Variants in ZNF462 observed in about 807,000 individuals in gnomAD.
ZNF462 encodes the protein zinc finger protein 462.
Under a neutral mutation model 201.9 loss-of-function variants are expected in ZNF462, and 10 were observed. The observed-to-expected ratio is 0.05, with a 90% CI of 0.03 to 0.08. The LOEUF is 0.08. Ranked by LOEUF, ZNF462 falls within the 10% of genes least tolerant of loss-of-function variation. ZNF462 has a pLI of 1.00. For synonymous variants in ZNF462, 1,227 were observed against 1,193.3 expected, an observed-to-expected ratio of 1.03 and a Z score of -0.58; for missense variants, 2,523 against 3,168.3, an observed-to-expected ratio of 0.80 and a Z score of 4.89.
At chr9:106,964,296 A>G (rs946869120) in intron 7 of ZNF462, among the ~76,000 whole-genome samples, 4 of 152,046 alleles carry the variant, frequency 2.6e-5, no homozygotes, top group Non-Finnish European at 5.9e-5. Flanking sequence ...GCAGCACACA[A>G]GGGTTCCAGT....
At position 106,935,282 on chromosome 9, in the gene ZNF462, C is replaced by CA. The variant is rs141829170; in HGVS notation, c.6117-213dup. Among the ~76,000 whole-genome samples the CA allele has an allele frequency of 0.042, 6,314 of 151,444 alleles. 405 individuals are homozygous for CA. The highest frequency in any genetic ancestry group is 0.14 in the African/African-American group (5,769 of 41,310). ...GTTACCACTGCCATATCTCTAAATC[C>CA]AAAAAAAACTCTTGATCTCTTCCTT... On this transcript the variant is annotated intron_variant, in intron 5 of 12. Coordinates refer to ENST00000277225, the MANE Select transcript of ZNF462 (RefSeq NM_021224.6). This position sits in a 1 kb window ranked among gnomAD's most constrained non-coding sequence, Gnocchi z 4.1.
chr9:106,951,534 C>G (rs1831347561), intron 7 of ZNF462, among the ~76,000 whole-genome samples: 1 of 152,144 alleles, frequency 6.6e-6, no homozygotes, highest in South Asian at 2.1e-4. Context: ...TATTAATTAT[C>G]ATAATCCCAA....
rs949439962 is a variant in ZNF462, at chr9:106,993,616, C to T, written c.7056+9207C>T. On this transcript the variant is annotated intron_variant, in intron 10 of 12. Transcript: ENST00000277225. The surrounding 1 kb of genome is among the most constrained non-coding windows in gnomAD (Gnocchi z 4.0). ...TGTAGTCTCTCCCTCCTCTCCCCCT[C>T]CCCTTTACTTCCCTCTCCCTTCCTT... 3.3e-5 allele frequency among the ~76,000 whole-genome samples: 5 copies of T among 151,440 alleles called. No individual in the cohort carries two copies. The highest frequency in any genetic ancestry group is 1.2e-4 in the African/African-American group (5 of 41,208).
At chr9:106,997,459 A>T (rs1828819723) in intron 10 of ZNF462, among the ~76,000 whole-genome samples, 1 of 152,190 alleles carries the variant, frequency 6.6e-6, no homozygotes, top group African/African-American at 2.4e-5. Flanking sequence ...ATTTTTTAAA[A>T]AGTGGTACAT....
intron 1 of ZNF462, among the ~76,000 whole-genome samples, chr9:106,904,770 G>GT (rs887845591): frequency 2.6e-5 from 4 of 151,670 alleles, no homozygotes; most frequent in African/African-American, 7.3e-5. Context: ...ATTTTTGATT[G>GT]TTTTTTTTCT....
At position 106,925,779 on chromosome 9, in the gene ZNF462, C is replaced by T. The variant is rs1238296932; in HGVS notation, c.1867C>T (p.His623Tyr). The T allele has an allele frequency of 1.2e-6, 2 of 1,614,228 alleles. No individual in the cohort carries two copies. Among genetic ancestry groups the T allele is most frequent in the Non-Finnish European group, 1.7e-6 (2 of 1,180,034 alleles). ...GCTAAGAGTCCATCAGCAGCATAAA[C>T]ATTCATTCTGTGACAACTTGCCAAA... ...KGLRVHQQHK[H>Y]SFCDNLPKFE... The change falls in exon 3 of 13, where the codon CAT (histidine) becomes TAT (tyrosine). Residue 623 changes from histidine to tyrosine, a missense_variant. His to Tyr is a moderately conservative substitution (Grantham distance 83). Transcript: ENST00000277225. This position sits in a 1 kb window ranked among gnomAD's most constrained non-coding sequence, Gnocchi z 7.9.
rs2131924669 is a variant in ZNF462, at chr9:106,963,210, AG to A, written c.6428-8794del. Among the ~76,000 whole-genome samples, 2 of 152,238 alleles carry A rather than the reference AG, an allele frequency of 1.3e-5. No homozygotes were observed. Among genetic ancestry groups the A allele is most frequent in the African/African-American group, 4.8e-5 (2 of 41,574 alleles). Reference sequence around the variant, plus strand: ...CAGCACTTGAGAAACAGGTATTTTGAGAATGGGAATTAAATCAAGGTACAAA... The same window carrying A: ...CAGCACTTGAGAAACAGGTATTTTGAAATGGGAATTAAATCAAGGTACAAA... On this transcript the variant is annotated intron_variant, in intron 7 of 12. Transcript: ENST00000277225. This position sits in a 1 kb window ranked among gnomAD's most constrained non-coding sequence, Gnocchi z 4.7.
intron 1 of ZNF462, among the ~76,000 whole-genome samples, chr9:106,882,545 AAC>A (rs1828145088): frequency 6.6e-6 from 1 of 152,228 alleles, no homozygotes; most frequent in Non-Finnish European, 1.5e-5. Flanking sequence ...AAGAATGTCT[AAC>A]AGTCTAGGTT....
rs770556374 is a variant in ZNF462 at position 106,928,686 on chromosome 9, C to T, written c.4774C>T (p.Leu1592=). ...CPYTHGTLEK[L]KIHYEKYHNQ... is the part of the protein sequence containing the mutation. ...GTACACACACGGCACTTTGGAGAAA[C>T]TAAAAATCCACTACGAGAAGTATCA... The change falls in exon 3 of 13, where the codon CTA becomes TTA. Residue 1592 remains leucine (L), a synonymous_variant. Transcript: ENST00000277225. The surrounding 1 kb of genome is among the most constrained non-coding windows in gnomAD (Gnocchi z 9.3). The T allele has an allele frequency of 3.3e-5, 53 of 1,614,032 alleles. No individual in the cohort carries two copies. The highest frequency in any genetic ancestry group is 4.4e-5 in the Non-Finnish European group (52 of 1,180,050).
intron 1 of ZNF462, among the ~76,000 whole-genome samples, chr9:106,879,765 G>A (rs1828011116): frequency 6.6e-6 from 1 of 152,158 alleles, no homozygotes; most frequent in East Asian, 1.9e-4. Context: ...GAGCCATCAG[G>A]ATTGTCTAGT....
At chr9:106,910,362 G>GTTTTTT (rs1011376719) in intron 1 of ZNF462, among the ~76,000 whole-genome samples, 362 of 64,488 alleles carry the variant, frequency 5.6e-3, no homozygotes, top group East Asian at 9.0e-3. Flanking sequence ...CCTTGTTTTA[G>GTTTTTT]TTTTTTTTTT....
At position 106,912,969 on chromosome 9, in the gene ZNF462, G is replaced by A. The variant is rs568522666; in HGVS notation, c.-30-10385G>A. ...TTCCTCTGGCTTTCCAGGATACTTT[G>A]CAAACAAGAATAAAAAAGGCTTTGT... On this transcript the variant is annotated intron_variant, in intron 1 of 12. Coordinates refer to ENST00000277225, the MANE Select transcript of ZNF462 (RefSeq NM_021224.6). 7.9e-5 allele frequency among the ~76,000 whole-genome samples: 12 copies of A among 152,274 alleles called. 1 individual carries two copies. The South Asian group carries it at 2.1e-3, about 26-fold the overall frequency.
Position 106,926,582 on chromosome 9 carries a change from A to G in ZNF462, c.2670A>G (p.Glu890=). The part of the protein sequence containing the change: ...NDHSAVYRCL[E]CYIDYTNFED... ...ACAGTGCAGTGTACAGGTGCCTGGAATGCTACATCGATTACACCAACTTCG... is the reference window on the plus strand; with the variant it reads ...ACAGTGCAGTGTACAGGTGCCTGGAGTGCTACATCGATTACACCAACTTCG... Residue 890 remains glutamate, a synonymous_variant, in exon 3 of 13, where the codon GAA becomes GAG. Transcript: ENST00000277225. This position sits in a 1 kb window ranked among gnomAD's most constrained non-coding sequence, Gnocchi z 7.9. 1.9e-6 allele frequency: 3 copies of G among 1,614,164 alleles called. No individual in the cohort carries two copies. The African/African-American group carries it at 4.0e-5, about 22-fold the overall frequency.
At chr9:106,915,526 A>T (rs1377062097) in intron 1 of ZNF462, among the ~76,000 whole-genome samples, 1 of 152,232 alleles carries the variant, frequency 6.6e-6, no homozygotes, top group Non-Finnish European at 1.5e-5. Flanking sequence ...AGTATATTCC[A>T]GTCCCATATA....
chr9:106,974,239 G>A lies in ZNF462; in HGVS notation c.6798G>A (p.Lys2266=). 2.5e-6 allele frequency: 4 copies of A among 1,614,082 alleles called. No homozygotes were observed. Among genetic ancestry groups the A allele is most frequent in the Non-Finnish European group, 3.4e-6 (4 of 1,180,014 alleles). ...TCTGCCTCTATCACACCAAATACAAGCGCAACATGATTGACCACATCGTGC... is the reference window on the plus strand; with the variant it reads ...TCTGCCTCTATCACACCAAATACAAACGCAACATGATTGACCACATCGTGC... The part of the protein sequence containing the change: ...CPLCLYHTKY[K]RNMIDHIVLH... Residue 2266 remains lysine (K), a synonymous_variant, in exon 9 of 13, where the codon AAG becomes AAA. Coordinates refer to ENST00000277225, the MANE Select transcript of ZNF462 (RefSeq NM_021224.6). The surrounding 1 kb of genome is among the most constrained non-coding windows in gnomAD (Gnocchi z 4.0).
chr9:106,955,106 C>T (rs1831517228), intron 7 of ZNF462, among the ~76,000 whole-genome samples: 1 of 152,128 alleles, frequency 6.6e-6, no homozygotes, highest in South Asian at 2.1e-4. Flanking sequence ...AGCACTCACT[C>T]ATCTTAGTGT....
At chr9:106,892,101 G>A (rs1342717900) in intron 1 of ZNF462, among the ~76,000 whole-genome samples, 1 of 152,168 alleles carries the variant, frequency 6.6e-6, no homozygotes, top group Non-Finnish European at 1.5e-5. Context: ...AAGACATGAA[G>A]ACTAGGTCTA....
At chr9:106,911,400 A>G (rs1829543682) in intron 1 of ZNF462, among the ~76,000 whole-genome samples, 1 of 152,194 alleles carries the variant, frequency 6.6e-6, no homozygotes, top group African/African-American at 2.4e-5. Context: ...TGGTGGTCTC[A>G]GGGACTGTTT....
chr9:106,868,094 G>A (rs902666943), intron 1 of ZNF462, among the ~76,000 whole-genome samples: 6 of 150,470 alleles, frequency 4.0e-5, no homozygotes, highest in Non-Finnish European at 8.9e-5. Context: ...AAAAATCAGT[G>A]TGTGTAAAAG....
Sources: gnomAD v4.1 joint callset for allele counts (sites outside exome capture counted in the v4.1 genomes callset) on GRCh38, gnomAD v4.1.1 for gene constraint, Gnocchi (gnomAD v3.1) non-coding constraint, MANE v1.5 for transcripts, NCBI Gene and HGNC (gene_info 2026-07-23, HGNC 2026-07-21) for gene names.